REDIC1: variants seen among roughly 807,000 people sequenced by gnomAD.
REDIC1 encodes HEI10 Interacting Protein 1.
the REDIC1 span, among the ~76,000 whole-genome samples, chr12:39,749,142 GA>G: frequency 1.3e-5 from 2 of 152,050 alleles, no homozygotes; most frequent in East Asian, 1.9e-4. Context: ...CTGGTTTTTT[GA>G]AAAGATCAAA....
the REDIC1 span, chr12:39,683,110 G>A: frequency 7.5e-6 from 12 of 1,607,980 alleles, 1 homozygote; most frequent in East Asian, 4.5e-5. Flanking sequence ...TTTTGAGAAC[G>A]ATTACTACCC....
chr12:39,894,586 TA>T, the REDIC1 span, among the ~76,000 whole-genome samples: 1 of 152,216 alleles, frequency 6.6e-6, no homozygotes, highest in Non-Finnish European at 1.5e-5. Context: ...CAAGACAGAC[TA>T]AAATTTCTAA....
the REDIC1 span, among the ~76,000 whole-genome samples, chr12:39,749,298 A>G: frequency 2.0e-5 from 3 of 152,096 alleles, no homozygotes; most frequent in Non-Finnish European, 4.4e-5. Flanking sequence ...ACACCTCTAC[A>G]CAAATAAACT....
the REDIC1 span, among the ~76,000 whole-genome samples, chr12:39,671,629 CCCT>C: frequency 6.6e-6 from 1 of 152,008 alleles, no homozygotes; most frequent in South Asian, 2.1e-4. Flanking sequence ...GGACGGACAA[CCCT>C]CAGGTTTCCA....
chr12:39,629,651 T>A, the REDIC1 span, among the ~76,000 whole-genome samples: 2 of 152,182 alleles, frequency 1.3e-5, no homozygotes, highest in African/African-American at 4.8e-5. Context: ...TTATTTTCCT[T>A]TTTTAGTTGC....
At chr12:39,860,216 CTAAG>C in the REDIC1 span, among the ~76,000 whole-genome samples, 3 of 152,122 alleles carry the variant, frequency 2.0e-5, no homozygotes, top group Non-Finnish European at 2.9e-5. Context: ...AGTAAGGAAA[CTAAG>C]TAAGATGTAA....
At chr12:39,686,176 A>G in the REDIC1 span, among the ~76,000 whole-genome samples, 1 of 152,096 alleles carries the variant, frequency 6.6e-6, no homozygotes, top group Admixed American at 6.5e-5. Flanking sequence ...TCATGGCTCC[A>G]CTAGGCAGTG....
At chr12:39,699,334 G>A in the REDIC1 span, among the ~76,000 whole-genome samples, 1 of 152,216 alleles carries the variant, frequency 6.6e-6, no homozygotes, top group Non-Finnish European at 1.5e-5. Context: ...AAAGAAAGGG[G>A]TGACAGACGG....
At chr12:39,742,248 C>T in the REDIC1 span, among the ~76,000 whole-genome samples, 1 of 152,054 alleles carries the variant, frequency 6.6e-6, no homozygotes, top group African/African-American at 2.4e-5. Flanking sequence ...TTGTGCTAAG[C>T]AGGATGGCTT....
the REDIC1 span, among the ~76,000 whole-genome samples, chr12:39,669,697 C>T: frequency 2.6e-5 from 4 of 152,184 alleles, no homozygotes; most frequent in Admixed American, 2.6e-4. Context: ...GCGGTGGGCT[C>T]CACCCAGTTG....
At chr12:39,822,342 C>T in the REDIC1 span, among the ~76,000 whole-genome samples, 2 of 152,070 alleles carry the variant, frequency 1.3e-5, no homozygotes, top group Non-Finnish European at 2.9e-5. Flanking sequence ...CACATAAAGC[C>T]ATTCACCTAA....
At chr12:39,695,583 A>AGAAT in the REDIC1 span, among the ~76,000 whole-genome samples, 5,661 of 152,326 alleles carry the variant, frequency 0.037, 151 homozygotes, top group Non-Finnish European at 0.055. Flanking sequence ...CCAGTAAAAT[A>AGAAT]GAATACCAGG....
the REDIC1 span, among the ~76,000 whole-genome samples, chr12:39,652,132 G>A: frequency 1.3e-5 from 2 of 151,970 alleles, no homozygotes; most frequent in East Asian, 3.9e-4. Context: ...ATAGCACAAC[G>A]TATTCATTTA....
At chr12:39,748,441 A>G in the REDIC1 span, among the ~76,000 whole-genome samples, 1 of 152,230 alleles carries the variant, frequency 6.6e-6, no homozygotes, top group South Asian at 2.1e-4. Flanking sequence ...AGACCTAGAA[A>G]GAGACTTAGA....
chr12:39,727,237 C>G, the REDIC1 span, among the ~76,000 whole-genome samples: 1 of 152,120 alleles, frequency 6.6e-6, no homozygotes, highest in Non-Finnish European at 1.5e-5. Context: ...TGCCTATGTC[C>G]TGAATGGTAT....
At chr12:39,647,644 G>T in the REDIC1 span, 1 of 517,246 alleles carries the variant, frequency 1.9e-6, no homozygotes, top group East Asian at 3.4e-5. Context: ...AGTAAGTTCT[G>T]TCAATTACTG....
At chr12:39,869,702 T>A in the REDIC1 span, among the ~76,000 whole-genome samples, 26 of 151,592 alleles carry the variant, frequency 1.7e-4, no homozygotes, top group African/African-American at 6.3e-4. Flanking sequence ...TGGAAATCCT[T>A]GGGCAGAAGA....
At chr12:39,820,779 A>G in the REDIC1 span, among the ~76,000 whole-genome samples, 17 of 144,472 alleles carry the variant, frequency 1.2e-4, no homozygotes, top group East Asian at 4.1e-4. Flanking sequence ...ATATATATAA[A>G]GCAACATGTA....
At chr12:39,793,617 A>G in the REDIC1 span, among the ~76,000 whole-genome samples, 1 of 152,150 alleles carries the variant, frequency 6.6e-6, no homozygotes, top group African/African-American at 2.4e-5. Context: ...TCTCTTCTGC[A>G]TGGACAACCT....
Sources: allele counts gnomAD v4.1 joint callset (sites outside exome capture counted in the v4.1 genomes callset), GRCh38; gene constraint gnomAD v4.1.1; transcripts MANE v1.5; gene names NCBI Gene and HGNC (gene_info 2026-07-23, HGNC 2026-07-21).